Variants in FMN1 observed in about 807,000 individuals in gnomAD.
FMN1 encodes the protein formin-1.
In FMN1, 110 loss-of-function variants were observed where a neutral mutation model predicts 132.4. That is an observed-to-expected ratio of 0.83 (90% CI 0.71 to 0.97). FMN1 has a LOEUF of 0.97. FMN1 is among the 50% of genes least tolerant of loss of function. FMN1 has a pLI of 0.00. For missense variants in FMN1, 1,792 were observed against 1,705.3 expected, an observed-to-expected ratio of 1.05 and a Z score of -0.90; for synonymous variants, 722 against 651.7, an observed-to-expected ratio of 1.11 and a Z score of -1.64.
intron 7 of FMN1, among the ~76,000 whole-genome samples, chr15:32,989,906 C>T (rs1035934499): frequency 2.0e-5 from 3 of 152,022 alleles, no homozygotes; most frequent in African/African-American, 2.4e-5. Context: ...ACCATGACAC[C>T]GTACATATAC....
intron 10 of FMN1, among the ~76,000 whole-genome samples, chr15:32,914,131 T>C (rs2060626952): frequency 1.3e-5 from 2 of 152,016 alleles, no homozygotes; most frequent in South Asian, 4.1e-4. Flanking sequence ...CAAAGATGAG[T>C]TTTCTCATTA....
chr15:33,039,417 T>C (rs1378718592), intron 6 of FMN1, among the ~76,000 whole-genome samples: 3 of 152,204 alleles, frequency 2.0e-5, no homozygotes, highest in Admixed American at 6.5e-5. Context: ...GTAGCAAATA[T>C]GATAATTACT....
At chr15:32,872,838 T>A (rs892524864) in intron 16 of FMN1, among the ~76,000 whole-genome samples, 1 of 152,210 alleles carries the variant, frequency 6.6e-6, no homozygotes, top group Non-Finnish European at 1.5e-5. Flanking sequence ...CGCTGGTTAG[T>A]CACATTAACT....
chr15:32,969,634 A>C (rs1241747337), intron 7 of FMN1, among the ~76,000 whole-genome samples, 157 bp from the exon 8 acceptor site: 3 of 152,204 alleles, frequency 2.0e-5, no homozygotes, highest in African/African-American at 7.2e-5. Flanking sequence ...ATAAAGGTGT[A>C]AATTGCACTC....
intron 4 of FMN1, among the ~76,000 whole-genome samples, chr15:33,127,866 C>G (rs1294200603): frequency 6.6e-6 from 1 of 152,186 alleles, no homozygotes; most frequent in African/African-American, 2.4e-5. Flanking sequence ...TGAGACAGTG[C>G]TGTTTCCGAG....
rs1595873622 is a variant in FMN1, at chr15:32,768,504, A to G, written c.*5806T>C. 2 of 152,324 alleles carry G rather than the reference A, an allele frequency of 1.3e-5. No individual in the cohort carries two copies. Among genetic ancestry groups the G allele is most frequent in the South Asian group, 4.1e-4 (2 of 4,828 alleles). The allele number at this position is 152,324 out of a possible 1,614,324, so 9.4% of individuals were successfully genotyped here. On this transcript the variant is annotated 3_prime_UTR_variant, in exon 21 of 21. Transcript: ENST00000616417. ...AGAGAAATATTCATATTAATTTAAGACGTTCTCATAGTTTCAAAGGTAGAG... is the reference window on the plus strand; with the variant it reads ...AGAGAAATATTCATATTAATTTAAGGCGTTCTCATAGTTTCAAAGGTAGAG...
chr15:33,171,028 A>G (rs1395604309), intron 3 of FMN1, among the ~76,000 whole-genome samples: 1 of 152,210 alleles, frequency 6.6e-6, no homozygotes, highest in African/African-American at 2.4e-5. Flanking sequence ...TATATACACA[A>G]TGAAATACTA....
chr15:33,170,902 A>C (rs1965294958), intron 3 of FMN1, among the ~76,000 whole-genome samples: 1 of 152,218 alleles, frequency 6.6e-6, no homozygotes, highest in African/African-American at 2.4e-5. Context: ...AAAGGAAACC[A>C]ATATAAAGAA....
intron 17 of FMN1, among the ~76,000 whole-genome samples, chr15:32,823,903 T>C (rs776369753): frequency 2.0e-5 from 3 of 152,240 alleles, no homozygotes; most frequent in Admixed American, 6.5e-5. Context: ...GTGGAAGGCA[T>C]GGAGCCTGGA....
intron 6 of FMN1, among the ~76,000 whole-genome samples, chr15:33,014,734 C>T (rs947147974): frequency 9.9e-5 from 15 of 152,228 alleles, no homozygotes; most frequent in East Asian, 5.8e-4. Context: ...TTGCACAAAC[C>T]TTCCTTTTTG....
chr15:32,816,149 T>G (rs1367468899), intron 17 of FMN1, among the ~76,000 whole-genome samples: 1 of 152,220 alleles, frequency 6.6e-6, no homozygotes, highest in African/African-American at 2.4e-5. Context: ...CCTGTGAAAC[T>G]TCTCTGGGGA....
intron 4 of FMN1, among the ~76,000 whole-genome samples, chr15:33,126,487 G>T (rs1245288726): frequency 6.6e-6 from 1 of 152,214 alleles, no homozygotes; most frequent in Non-Finnish European, 1.5e-5. Flanking sequence ...TTTCAAGACA[G>T]ACCAACTCTA....
chr15:33,120,529 A>G (rs1467200060), intron 4 of FMN1, among the ~76,000 whole-genome samples: 1 of 152,178 alleles, frequency 6.6e-6, no homozygotes, highest in African/African-American at 2.4e-5. Context: ...AAAAAATGAG[A>G]AAACCTCATG....
intron 12 of FMN1, 63 bp downstream of exon 12, chr15:32,908,427 G>C: frequency 9.4e-7 from 1 of 1,064,596 alleles, no homozygotes; most frequent in Middle Eastern, 2.0e-4. Context: ...TGAGCTGGGA[G>C]ACAAGAAGAC....
At chr15:33,141,980 C>T (rs1377305804) in intron 4 of FMN1, among the ~76,000 whole-genome samples, 1 of 152,164 alleles carries the variant, frequency 6.6e-6, no homozygotes, top group Non-Finnish European at 1.5e-5. Context: ...TCATGTATCA[C>T]TTTGACATTG....
At chr15:33,047,326 T>G (rs2036735034) in intron 6 of FMN1, among the ~76,000 whole-genome samples, 1 of 152,230 alleles carries the variant, frequency 6.6e-6, no homozygotes, top group Non-Finnish European at 1.5e-5. Context: ...ATAACCTTAG[T>G]TCAGGCTTCT....
intron 20 of FMN1, among the ~76,000 whole-genome samples, chr15:32,775,027 G>A (rs938524510): frequency 2.6e-5 from 4 of 152,184 alleles, no homozygotes; most frequent in African/African-American, 9.7e-5. Context: ...TATCAGTATG[G>A]TAAGGATGGT....
At chr15:33,032,021 A>T (rs1042844045) in intron 6 of FMN1, among the ~76,000 whole-genome samples, 4 of 152,234 alleles carry the variant, frequency 2.6e-5, no homozygotes, top group African/African-American at 7.2e-5. Context: ...AACAACAAAA[A>T]TAATAATTAC....
intron 16 of FMN1, among the ~76,000 whole-genome samples, chr15:32,873,575 G>A (rs1471088923): frequency 6.6e-6 from 1 of 152,136 alleles, no homozygotes; most frequent in Non-Finnish European, 1.5e-5. Flanking sequence ...TTAACAGGAG[G>A]CTATTACGTG....
Sources: allele counts gnomAD v4.1 joint callset (sites outside exome capture counted in the v4.1 genomes callset), GRCh38; gene constraint gnomAD v4.1.1; transcripts MANE v1.5; gene names NCBI Gene and HGNC (gene_info 2026-07-23, HGNC 2026-07-21).